Variants in CLDN20 observed in about 807,000 individuals in gnomAD.
CLDN20 encodes the protein claudin-20.
For missense variants in CLDN20, 258 were observed against 267.9 expected (o/e 0.96, Z 0.26); for synonymous variants, 104 against 103.6 (o/e 1.00, Z -0.03).
At chr6:155,269,916 G>C (rs1784844926) in intron 1 of CLDN20, among the ~76,000 whole-genome samples, 1 of 152,224 alleles carries the variant, frequency 6.6e-6, no homozygotes, top group African/African-American at 2.4e-5. Context: ...TATGTGCCAG[G>C]CACTGATCCT....
Position 155,276,431 on chromosome 6 carries a change from T to C in CLDN20, c.*52T>C. On this transcript the variant is annotated 3_prime_UTR_variant, in exon 2 of 2. Transcript: ENST00000367165. ...AACTTTTGGGTGCCAAATGGGACTTTTAGATTAAAAAAAAATCAGAATTAT... is the reference window on the plus strand; with the variant it reads ...AACTTTTGGGTGCCAAATGGGACTTCTAGATTAAAAAAAAATCAGAATTAT... 1 of 1,488,546 alleles carries C rather than the reference T, an allele frequency of 6.7e-7. No individual in the cohort carries two copies. The highest frequency in any genetic ancestry group is 9.1e-7 in the Non-Finnish European group (1 of 1,100,106). The allele number at this position is 1,488,546 out of a possible 1,614,324, so 92.2% of individuals were successfully genotyped here.
At chr6:155,271,200 A>G (rs537575133) in intron 1 of CLDN20, among the ~76,000 whole-genome samples, 1 of 152,314 alleles carries the variant, frequency 6.6e-6, no homozygotes, top group East Asian at 1.9e-4. Context: ...CAATAATAAA[A>G]TTATCTTCTT....
rs149570827 is a variant in CLDN20 at position 155,276,340 on chromosome 6, C to T, written c.621C>T (p.Leu207=). ...AGCAGCCTATCTCTAACACACAGCT[C>T]GAGAACAATTCCACACACAATCTGA... ...PTQQPISNTQ[L]ENNSTHNLKD... Residue 207 remains leucine (L), a synonymous_variant, in exon 2 of 2, where the codon CTC becomes CTT. Coordinates refer to ENST00000367165, the MANE Select transcript of CLDN20 (RefSeq NM_001001346.3). 7.9e-4 allele frequency: 1,272 copies of T among 1,613,288 alleles called. 4 individuals are homozygous for T. Among genetic ancestry groups the T allele is most frequent in the African/African-American group, 5.0e-3 (374 of 74,926 alleles).
chr6:155,266,539 G>A (rs1377972159), intron 1 of CLDN20, among the ~76,000 whole-genome samples: 2 of 152,072 alleles, frequency 1.3e-5, no homozygotes, highest in Admixed American at 6.5e-5. Context: ...CCCCAGTCTC[G>A]CTCACAGTTA....
intron 1 of CLDN20, among the ~76,000 whole-genome samples, chr6:155,264,808 A>G (rs1784546010): frequency 6.6e-6 from 1 of 152,146 alleles, no homozygotes; most frequent in South Asian, 2.1e-4. Flanking sequence ...GAGTTTTTTT[A>G]CTGTGTAAAT....
chr6:155,270,950 T>A (rs77845485), intron 1 of CLDN20, among the ~76,000 whole-genome samples: 1 of 152,272 alleles, frequency 6.6e-6, no homozygotes, highest in South Asian at 2.1e-4. Context: ...CACATAAAGC[T>A]TACAACGACT....
intron 1 of CLDN20, among the ~76,000 whole-genome samples, chr6:155,265,605 G>A (rs1177754330): frequency 6.6e-6 from 1 of 150,772 alleles, no homozygotes; most frequent in African/African-American, 2.4e-5. Context: ...TTATTTTCAA[G>A]ATTGAATGGA....
chr6:155,268,570 A>G (rs1381315074), intron 1 of CLDN20, among the ~76,000 whole-genome samples: 1 of 152,260 alleles, frequency 6.6e-6, no homozygotes, highest in Non-Finnish European at 1.5e-5. Context: ...GATTAACATC[A>G]CTAAGCAACA....
intron 1 of CLDN20, among the ~76,000 whole-genome samples, chr6:155,272,562 C>T (rs543955361): frequency 6.6e-6 from 1 of 151,840 alleles, no homozygotes; most frequent in Non-Finnish European, 1.5e-5. Flanking sequence ...TGCCTTTATT[C>T]TCTACGAGAT....
At position 155,264,384 on chromosome 6, in the gene CLDN20, T is replaced by C. The variant is rs143730701; in HGVS notation, c.-105+96T>C. On this transcript the variant is annotated intron_variant, in intron 1 of 1. Coordinates refer to ENST00000367165, the MANE Select transcript of CLDN20 (RefSeq NM_001001346.3). Reference sequence around the variant, plus strand: ...AAAAGAAAATACTGACAAATGTGAATGTAGATCACATTTTCTGGAATTGGT... The same window carrying C: ...AAAAGAAAATACTGACAAATGTGAACGTAGATCACATTTTCTGGAATTGGT... 33 of 152,308 alleles carry C rather than the reference T, an allele frequency of 2.2e-4. 2 individuals carry two copies. The highest frequency in any genetic ancestry group is 7.7e-4 in the African/African-American group (32 of 41,564). 9.4% of individuals were successfully genotyped at this position (152,308 alleles called of 1,614,324 possible).
intron 1 of CLDN20, among the ~76,000 whole-genome samples, chr6:155,266,113 C>A (rs1784622331): frequency 6.6e-6 from 1 of 152,164 alleles, no homozygotes; most frequent in Non-Finnish European, 1.5e-5. Flanking sequence ...TGACAACACC[C>A]TCACAGATAC....
intron 1 of CLDN20, 102 bp from the exon 2 acceptor site, chr6:155,275,514 G>A: frequency 1.8e-6 from 1 of 542,196 alleles, no homozygotes; most frequent in Non-Finnish European, 3.3e-6. Context: ...GGGGGCTGGA[G>A]AAGGGGGATA....
At chr6:155,265,727 T>C (rs982462288) in intron 1 of CLDN20, among the ~76,000 whole-genome samples, 6 of 145,684 alleles carry the variant, frequency 4.1e-5, no homozygotes, top group African/African-American at 1.5e-4. Flanking sequence ...ATATATAATA[T>C]AAATATATAT....
At position 155,264,153 on chromosome 6, in the gene CLDN20, C is replaced by G. The variant is rs1435305754; in HGVS notation, c.-240C>G. 1 of 152,094 alleles carries G rather than the reference C, an allele frequency of 6.6e-6. No homozygotes were observed. The highest frequency in any genetic ancestry group is 1.5e-5 in the Non-Finnish European group (1 of 68,024). The allele number at this position is 152,094 out of a possible 1,614,324, so 9.4% of individuals were successfully genotyped here. ...AGAGCCACTTCACTGTCGGGTAAAA[C>G]AACGGAGCAAGATGAGTGCCTCCGG... is the stretch of plus-strand genomic sequence containing the variant. On this transcript the variant is annotated 5_prime_UTR_variant, in exon 1 of 2. Transcript: ENST00000367165.
chr6:155,275,933 T>A lies in CLDN20; in HGVS notation c.214T>A (p.Ser72Thr). 6.2e-7 allele frequency: 1 copy of A among 1,614,072 alleles called. No homozygotes were observed. Among genetic ancestry groups the A allele is most frequent in the Non-Finnish European group, 8.5e-7 (1 of 1,180,024 alleles). ...CTGTGCCCTGAAACACTCCATTCTGTCCCTCCCCATCCACGTGCAGGCTGC... is the reference window on the plus strand; with the variant it reads ...CTGTGCCCTGAAACACTCCATTCTGACCCTCCCCATCCACGTGCAGGCTGC... ...FSCALKHSIL[S>T]LPIHVQAARA... The change falls in exon 2 of 2, where the codon TCC becomes ACC. Residue 72 changes from serine (S) to threonine (T), a missense_variant. By Grantham distance (58) the Ser-to-Thr change is moderately conservative. Coordinates refer to ENST00000367165, the MANE Select transcript of CLDN20 (RefSeq NM_001001346.3).
chr6:155,274,193 G>T (rs1169253811), intron 1 of CLDN20, among the ~76,000 whole-genome samples: 3 of 152,100 alleles, frequency 2.0e-5, no homozygotes, highest in Non-Finnish European at 2.9e-5. Context: ...TATGAATCAC[G>T]ACAGAGCCAC....
In CLDN20 at chr6:155,275,953, G is replaced by A; in HGVS notation, c.234G>A (p.Gln78=). Residue 78 remains glutamine, a synonymous_variant, in exon 2 of 2, where the codon CAG becomes CAA. Transcript: ENST00000367165. ...TTCTGTCCCTCCCCATCCACGTGCAGGCTGCGAGAGCCACCATGGTCCTGG... is the reference window on the plus strand; with the variant it reads ...TTCTGTCCCTCCCCATCCACGTGCAAGCTGCGAGAGCCACCATGGTCCTGG... ...HSILSLPIHV[Q]AARATMVLAC... The A allele has an allele frequency of 6.2e-7, 1 of 1,614,188 alleles. No homozygotes were observed. Among genetic ancestry groups the A allele is most frequent in the Non-Finnish European group, 8.5e-7 (1 of 1,180,042 alleles).
At chr6:155,265,864 G>C (rs1456612513) in intron 1 of CLDN20, among the ~76,000 whole-genome samples, 1 of 151,186 alleles carries the variant, frequency 6.6e-6, no homozygotes, top group South Asian at 2.1e-4. Context: ...TGCAGGCTGA[G>C]AAGCAAGGAG....
In CLDN20 at chr6:155,275,929, T is replaced by C. The variant is rs745879488; in HGVS notation, c.210T>C (p.Ile70=). The change falls in exon 2 of 2, where the codon ATT becomes ATC. Residue 70 remains isoleucine, a synonymous_variant. Coordinates refer to ENST00000367165, the MANE Select transcript of CLDN20 (RefSeq NM_001001346.3). ...TCAGCTGTGCCCTGAAACACTCCATTCTGTCCCTCCCCATCCACGTGCAGG... is the reference window on the plus strand; with the variant it reads ...TCAGCTGTGCCCTGAAACACTCCATCCTGTCCCTCCCCATCCACGTGCAGG... ...GMFSCALKHS[I]LSLPIHVQAA... 108 of 1,614,018 alleles carry C rather than the reference T, an allele frequency of 6.7e-5. No homozygotes were observed. The highest frequency in any genetic ancestry group is 8.7e-5 in the Non-Finnish European group (103 of 1,180,042).
Sources: allele counts gnomAD v4.1 joint callset (sites outside exome capture counted in the v4.1 genomes callset), GRCh38; gene constraint gnomAD v4.1.1; transcripts MANE v1.5; gene names NCBI Gene and HGNC (gene_info 2026-07-23, HGNC 2026-07-21).